Variants in ANO4 observed in about 807,000 individuals in gnomAD.
The protein encoded by ANO4 is anoctamin-4.
ANO4 carries 69 observed loss-of-function variants against 141.9 expected under a neutral mutation model. The observed-to-expected ratio is 0.49, with a 90% confidence interval of 0.40 to 0.59. The LOEUF (loss-of-function observed/expected upper bound fraction) is 0.59. ANO4 is among the 20% of genes least tolerant of loss of function. The probability of loss-of-function intolerance (pLI) is 0.00; values close to 1 mark genes in which losing one functional copy is unlikely to be tolerated. For synonymous variants in ANO4, 350 were observed against 394.3 expected (o/e 0.89, Z 1.33); for missense variants, 894 against 1,162.2 (o/e 0.77, Z 3.36).
In ANO4 at chr12:100,806,523, CGTTTTTTTTTTTTT is replaced by C. The variant is rs2035043113; in HGVS notation, c.-141+11497_-141+11510del. Among the ~76,000 whole-genome samples the C allele has an allele frequency of 8.9e-4, 40 of 44,982 alleles. 1 individual carries two copies. The highest frequency in any genetic ancestry group is 1.8e-3 in the African/African-American group (24 of 13,676). 29.5% of individuals were successfully genotyped at this position (44,982 alleles called of 152,430 possible). A position where few individuals can be genotyped will look rare whatever the true frequency, so the allele number is the denominator to read the frequency against. Reference sequence around the variant, plus strand: ...TTTTTAGGAGGTTTTTTTTTTGTTTCGTTTTTTTTTTTTTTTTTTTTTTTTTTTTTTTTTTTTGT... The same window carrying C: ...TTTTTAGGAGGTTTTTTTTTTGTTTCTTTTTTTTTTTTTTTTTTTTTTTGT... On this transcript the variant is annotated intron_variant, in intron 1 of 27. Transcript: ENST00000392977.
intron 1 of ANO4, among the ~76,000 whole-genome samples, chr12:100,850,400 T>C (rs1205540381): frequency 6.6e-6 from 1 of 152,212 alleles, no homozygotes; most frequent in Non-Finnish European, 1.5e-5. Context: ...CATAACAGGC[T>C]GCACTTTCTG....
At chr12:101,011,893 C>A (rs567239425) in intron 8 of ANO4, among the ~76,000 whole-genome samples, 2 of 152,068 alleles carry the variant, frequency 1.3e-5, no homozygotes, top group African/African-American at 2.4e-5. Context: ...AAAGTTACCC[C>A]TTCCTCCTGA....
chr12:100,772,706 A>G (rs1224172375), intron 3 of ANO4, among the ~76,000 whole-genome samples: 5 of 152,226 alleles, frequency 3.3e-5, no homozygotes, highest in Non-Finnish European at 5.9e-5. Flanking sequence ...AGGAAAAATC[A>G]TATTGCCATG....
At chr12:100,729,360 C>CAAAAAAAAAAAAAAAA (rs1156522144) in intron 1 of ANO4, among the ~76,000 whole-genome samples, 4 of 22,576 alleles carry the variant, frequency 1.8e-4, no homozygotes, top group Non-Finnish European at 2.5e-4. Context: ...AACTCTGTCT[C>CAAAAAAAAAAAAAAAA]AAAAAAAAAA....
chr12:100,872,844 G>A (rs938495635), intron 1 of ANO4, among the ~76,000 whole-genome samples: 1 of 152,204 alleles, frequency 6.6e-6, no homozygotes, highest in Non-Finnish European at 1.5e-5. Context: ...TGGTTTGGAT[G>A]TATGTCCCTG....
chr12:100,853,452 C>G (rs188120981), intron 1 of ANO4, among the ~76,000 whole-genome samples: 1 of 152,070 alleles, frequency 6.6e-6, no homozygotes, highest in Non-Finnish European at 1.5e-5. Context: ...TCTACAATTA[C>G]TTAGTAATAT....
At chr12:100,976,867 T>G (rs2044216864) in intron 7 of ANO4, among the ~76,000 whole-genome samples, 1 of 152,216 alleles carries the variant, frequency 6.6e-6, no homozygotes, top group Non-Finnish European at 1.5e-5. Flanking sequence ...ATGATACTGT[T>G]TCAGTATTCT....
At position 100,830,931 on chromosome 12, in the gene ANO4, A is replaced by G. The variant is rs563379528; in HGVS notation, c.-141+35904A>G. Among the ~76,000 whole-genome samples, 6 of 152,180 alleles carry G rather than the reference A, an allele frequency of 3.9e-5. 1 individual carries two copies. Among genetic ancestry groups the G allele is most frequent in the African/African-American group, 1.4e-4 (6 of 41,556 alleles). On this transcript the variant is annotated intron_variant, in intron 1 of 27. Transcript: ENST00000392977. Reference sequence around the variant, plus strand: ...GAGTATACCATAAGCTCTTATAAATATTATATAGAAATCTGTCTCTTATGG... The same window carrying G: ...GAGTATACCATAAGCTCTTATAAATGTTATATAGAAATCTGTCTCTTATGG...
intron 10 of ANO4, among the ~76,000 whole-genome samples, chr12:101,039,436 C>T (rs1593094933): frequency 6.6e-6 from 1 of 152,124 alleles, no homozygotes; most frequent in South Asian, 2.1e-4. Flanking sequence ...GCCTGGGAGT[C>T]GGAGGTTGCA....
At chr12:101,099,963 A>G (rs575896523) in intron 22 of ANO4, among the ~76,000 whole-genome samples, 7 of 152,286 alleles carry the variant, frequency 4.6e-5, no homozygotes, top group African/African-American at 1.7e-4. Context: ...TTGGAAGTAA[A>G]TTATCTGGGT....
At chr12:101,064,663 T>TATAATAATAATAATA (rs199759578) in intron 14 of ANO4, among the ~76,000 whole-genome samples, 19 of 130,190 alleles carry the variant, frequency 1.5e-4, no homozygotes, top group African/African-American at 3.8e-4. Flanking sequence ...CTTAAAGTAT[T>TATAATAATAATAATA]ATAATAATAA....
chr12:100,719,018 G>C (rs2030739559), intron 1 of ANO4, among the ~76,000 whole-genome samples: 1 of 152,136 alleles, frequency 6.6e-6, no homozygotes, highest in East Asian at 1.9e-4. Flanking sequence ...AGCTTTAAAA[G>C]CTTAATTGAG....
chr12:100,979,892 T>A (rs2044373298), intron 7 of ANO4, among the ~76,000 whole-genome samples: 1 of 144,824 alleles, frequency 6.9e-6, no homozygotes, highest in African/African-American at 2.5e-5. Flanking sequence ...CACGCCCAGC[T>A]GACTTTTTTT....
In ANO4 at chr12:100,922,317, T is replaced by C. The variant is rs1319362522; in HGVS notation, c.147T>C (p.Asn49=). The stretch of plus-strand genomic sequence containing the variant: ...ATGTGGACTTTTCAGAGATTCTTAA[T>C]GCAATACAAGAAAGTAAGTTTCACT... The part of the protein sequence containing the change: ...KSDVDFSEIL[N]AIQEMAKDVN... The change falls in exon 3 of 28, where the codon AAT becomes AAC. Residue 49 remains asparagine (N), a synonymous_variant. Coordinates refer to ENST00000392977, the MANE Select transcript of ANO4 (RefSeq NM_001286615.2). The C allele has an allele frequency of 6.5e-7, 1 of 1,530,152 alleles. No homozygotes were observed. The highest frequency in any genetic ancestry group is 2.0e-5 in the Admixed American group (1 of 49,114). The allele number at this position is 1,530,152 out of a possible 1,614,324, so 94.8% of individuals were successfully genotyped here. A position where few individuals can be genotyped will look rare whatever the true frequency, so the allele number is the denominator to read the frequency against.
At chr12:101,089,497 C>A (rs527322140) in intron 17 of ANO4, among the ~76,000 whole-genome samples, 1 of 152,212 alleles carries the variant, frequency 6.6e-6, no homozygotes, top group South Asian at 2.1e-4. Flanking sequence ...TCTGTGTTAA[C>A]TGTGGAATAC....
intron 23 of ANO4, 54 bp from the exon 24 acceptor site, chr12:101,111,509 A>G: frequency 2.8e-6 from 4 of 1,404,628 alleles, no homozygotes. Flanking sequence ...ATTTTTTCAT[A>G]ATTATCACCT....
intron 14 of ANO4, among the ~76,000 whole-genome samples, chr12:101,063,688 A>C (rs924851842): frequency 5.1e-5 from 7 of 138,162 alleles, no homozygotes; most frequent in Non-Finnish European, 1.1e-4. Context: ...TTTTCTTTGC[A>C]GGAAGGCTTT....
chr12:100,818,212 A>C (rs2035841266), intron 1 of ANO4, among the ~76,000 whole-genome samples: 1 of 151,958 alleles, frequency 6.6e-6, no homozygotes, highest in Admixed American at 6.6e-5. Context: ...TGACATAAAA[A>C]GTTTTGGAAA....
chr12:100,972,227 C>T (rs1050005627), intron 6 of ANO4, among the ~76,000 whole-genome samples: 2 of 152,138 alleles, frequency 1.3e-5, no homozygotes, highest in Non-Finnish European at 2.9e-5. Flanking sequence ...CATTAGGTGA[C>T]AGAAATGAGG....
Sources: allele counts gnomAD v4.1 joint callset (sites outside exome capture counted in the v4.1 genomes callset), GRCh38; gene constraint gnomAD v4.1.1; transcripts MANE v1.5; gene names NCBI Gene and HGNC (gene_info 2026-07-23, HGNC 2026-07-21).